SYT1: variants seen among roughly 807,000 people sequenced by gnomAD.
SYT1 encodes the protein synaptotagmin-1.
Under a neutral mutation model 44.8 loss-of-function variants are expected in SYT1, and 8 were observed. The observed-to-expected ratio is 0.18, with a 90% CI of 0.10 to 0.32. SYT1 has a LOEUF of 0.32. SYT1 is among the 10% of genes least tolerant of loss of function. The probability of loss-of-function intolerance (pLI) is 1.00; values close to 1 mark genes in which losing one functional copy is unlikely to be tolerated. For missense variants in SYT1, 286 were observed against 509.3 expected, an observed-to-expected ratio of 0.56 and a Z score of 4.22; for synonymous variants, 154 against 188.8, an observed-to-expected ratio of 0.82 and a Z score of 1.51.
intron 1 of SYT1, among the ~76,000 whole-genome samples, chr12:78,955,835 T>TGTGTGTGC (rs1879185348): frequency 6.6e-6 from 1 of 151,288 alleles, no homozygotes; most frequent in Admixed American, 6.6e-5. Flanking sequence ...TGTGTGTGTG[T>TGTGTGTGC]GTGCATGTAG....
At chr12:79,158,888 C>T (rs1195316900) in intron 3 of SYT1, among the ~76,000 whole-genome samples, 1 of 149,640 alleles carries the variant, frequency 6.7e-6, no homozygotes, top group East Asian at 1.9e-4. Context: ...CAAGTGAAAC[C>T]TTGTCTCAAA....
At chr12:78,871,759 T>C (rs1225386542) in intron 1 of SYT1, among the ~76,000 whole-genome samples, 1 of 151,912 alleles carries the variant, frequency 6.6e-6, no homozygotes, top group Admixed American at 6.6e-5. Flanking sequence ...TGCCAGATCC[T>C]AGTTTACAAG....
chr12:79,063,446 C>T (rs1360525864), intron 3 of SYT1, among the ~76,000 whole-genome samples: 1 of 152,116 alleles, frequency 6.6e-6, no homozygotes, highest in African/African-American at 2.4e-5. Flanking sequence ...GCTGCTATTT[C>T]CTGCTCTCTC....
chr12:79,351,821 C>A (rs990392253), intron 8 of SYT1, among the ~76,000 whole-genome samples: 2 of 151,992 alleles, frequency 1.3e-5, no homozygotes, highest in African/African-American at 4.8e-5. Context: ...GGGGTTATGA[C>A]CTAGATAATT....
At chr12:79,383,664 ATTTG>A (rs1884316587) in intron 9 of SYT1, among the ~76,000 whole-genome samples, 1 of 152,146 alleles carries the variant, frequency 6.6e-6, no homozygotes. Flanking sequence ...ATTTAATTAG[ATTTG>A]TTTGTTGTTG....
At chr12:79,086,728 T>C (rs1877407304) in intron 3 of SYT1, among the ~76,000 whole-genome samples, 1 of 152,180 alleles carries the variant, frequency 6.6e-6, no homozygotes, top group African/African-American at 2.4e-5. Flanking sequence ...ATATCATTGG[T>C]GCAAGGTGCC....
chr12:79,185,372 C>T (rs1872745606), intron 3 of SYT1, among the ~76,000 whole-genome samples: 1 of 151,926 alleles, frequency 6.6e-6, no homozygotes, highest in East Asian at 1.9e-4. Context: ...CCATCAGGCA[C>T]TTTTAGGGTT....
At position 78,931,370 on chromosome 12, in the gene SYT1, A is replaced by G. The variant is rs1436885668; in HGVS notation, c.-216-46429A>G. 4.5e-4 allele frequency among the ~76,000 whole-genome samples: 45 copies of G among 100,490 alleles called. No individual in the cohort carries two copies. The East Asian group carries it at 0.013, about 29-fold the overall frequency. The allele number at this position is 100,490 out of a possible 152,430, so 65.9% of individuals were successfully genotyped here. On this transcript the variant is annotated intron_variant, in intron 1 of 10. Coordinates refer to ENST00000261205, the MANE Select transcript of SYT1 (RefSeq NM_005639.3). ...GAAGGAAGGAAGGAAGGAAGGAAGG[A>G]AGGAAGGAAGGAAGGAAGGAAGGAA...
At chr12:79,106,470 G>A (rs571854351) in intron 3 of SYT1, among the ~76,000 whole-genome samples, 2 of 150,190 alleles carry the variant, frequency 1.3e-5, no homozygotes, top group African/African-American at 4.9e-5. Context: ...TTATGGCATG[G>A]CAAACAACTG....
At chr12:79,350,362 C>G (rs1279967858) in intron 8 of SYT1, among the ~76,000 whole-genome samples, 1 of 150,790 alleles carries the variant, frequency 6.6e-6, no homozygotes, top group African/African-American at 2.4e-5. Context: ...ACACCATTCT[C>G]CTGCCTCAGC....
At chr12:79,271,413 G>C (rs778689145) in intron 4 of SYT1, among the ~76,000 whole-genome samples, 2 of 152,020 alleles carry the variant, frequency 1.3e-5, no homozygotes, top group Admixed American at 1.3e-4. Flanking sequence ...TTGTATACAG[G>C]AGCCTATTAG....
intron 4 of SYT1, among the ~76,000 whole-genome samples, chr12:79,221,189 TC>T (rs2138577451): frequency 6.6e-6 from 1 of 152,292 alleles, no homozygotes; most frequent in Admixed American, 6.5e-5. Flanking sequence ...CCTTTTTATT[TC>T]TTTTTGCAAC....
intron 4 of SYT1, among the ~76,000 whole-genome samples, chr12:79,249,689 G>T (rs1262081081): frequency 6.6e-6 from 1 of 152,206 alleles, no homozygotes; most frequent in Non-Finnish European, 1.5e-5. Context: ...TAATGTGGCA[G>T]CCAATAGCAG....
At chr12:78,969,664 TG>T (rs1324933022) in intron 1 of SYT1, among the ~76,000 whole-genome samples, 1 of 151,980 alleles carries the variant, frequency 6.6e-6, no homozygotes, top group Non-Finnish European at 1.5e-5. Context: ...TGTGATATAA[TG>T]AGGGGAGTGT....
intron 2 of SYT1, among the ~76,000 whole-genome samples, chr12:79,001,126 G>T (rs1312643576): frequency 1.3e-5 from 2 of 152,068 alleles, no homozygotes; most frequent in East Asian, 3.9e-4. Context: ...GGCTCCAGGA[G>T]ATTTCTAGTT....
At chr12:79,337,680 G>A (rs1039712304) in intron 8 of SYT1, among the ~76,000 whole-genome samples, 2 of 152,166 alleles carry the variant, frequency 1.3e-5, no homozygotes, top group Non-Finnish European at 1.5e-5. Flanking sequence ...ACTAAACAAT[G>A]CCTTCCAAGG....
chr12:79,113,100 T>C (rs982146493), intron 3 of SYT1, among the ~76,000 whole-genome samples: 1 of 152,176 alleles, frequency 6.6e-6, no homozygotes, highest in African/African-American at 2.4e-5. Flanking sequence ...AGTCAAGTTA[T>C]GTTTTTTATT....
At chr12:79,423,465 G>A (rs1455467110) in intron 9 of SYT1, among the ~76,000 whole-genome samples, 1 of 152,064 alleles carries the variant, frequency 6.6e-6, no homozygotes, top group Non-Finnish European at 1.5e-5. Flanking sequence ...CAGCTGTGAA[G>A]TAGCTCTGCC....
intron 9 of SYT1, among the ~76,000 whole-genome samples, chr12:79,430,712 G>A (rs1040054497): frequency 9.2e-5 from 14 of 152,342 alleles, no homozygotes; most frequent in Admixed American, 3.3e-4. Flanking sequence ...ACTTGAGCCC[G>A]GAGGTTGAGG....
Sources: gnomAD v4.1 joint callset for allele counts (sites outside exome capture counted in the v4.1 genomes callset) on GRCh38, gnomAD v4.1.1 for gene constraint, MANE v1.5 for transcripts, NCBI Gene and HGNC (gene_info 2026-07-23, HGNC 2026-07-21) for gene names.